Variants in STATH observed in about 807,000 individuals in gnomAD.
STATH encodes statherin.
A neutral mutation model predicts 13.3 loss-of-function variants in STATH; 11 were observed. That is an observed-to-expected ratio of 0.83 (90% CI 0.52 to 1.37). The LOEUF is 1.37. Among genes scored for constraint, STATH ranks in the 40% most tolerant of loss-of-function variants. The probability of loss-of-function intolerance (pLI) is 0.00; values close to 1 mark genes in which losing one functional copy is unlikely to be tolerated. For synonymous variants in STATH, 25 were observed against 23.6 expected (o/e 1.06, Z -0.17); for missense variants, 78 against 73.3 (o/e 1.06, Z -0.24).
intron 1 of STATH, among the ~76,000 whole-genome samples, chr4:69,998,062 A>G (rs1041785753): frequency 9.2e-5 from 14 of 152,170 alleles, no homozygotes; most frequent in African/African-American, 3.4e-4. Flanking sequence ...TGCACTTTCA[A>G]TATGGTATCC....
At chr4:70,000,413 A>G (rs1724625185) in intron 4 of STATH, 1 of 162,498 alleles carries the variant, frequency 6.2e-6, no homozygotes, top group Non-Finnish European at 1.4e-5. Context: ...ATTTGTGTTA[A>G]CAGAAGGAAG....
intron 1 of STATH, among the ~76,000 whole-genome samples, chr4:69,997,199 G>A (rs1299136529): frequency 6.6e-6 from 1 of 151,854 alleles, no homozygotes; most frequent in Non-Finnish European, 1.5e-5. Context: ...GCCCACCTTG[G>A]CCTTCCAAAG....
chr4:69,998,066 G>A (rs1386059795), intron 1 of STATH, among the ~76,000 whole-genome samples: 1 of 151,902 alleles, frequency 6.6e-6, no homozygotes, highest in African/African-American at 2.4e-5. Flanking sequence ...CTTTCAATAT[G>A]GTATCCTCCC....
At chr4:69,999,883 C>T in intron 4 of STATH, 74 bp downstream of exon 4, 1 of 1,533,394 alleles carries the variant, frequency 6.5e-7, no homozygotes, top group African/African-American at 1.4e-5. Flanking sequence ...CTAGAAGAAC[C>T]AATACTTATT....
chr4:70,001,248 A>C (rs1415019863), intron 5 of STATH, among the ~76,000 whole-genome samples: 4 of 151,682 alleles, frequency 2.6e-5, no homozygotes, highest in African/African-American at 9.7e-5. Context: ...ACTTTGAACT[A>C]CTCCTAATGC....
chr4:70,002,435 A>G lies in STATH; in HGVS notation c.*280A>G, dbSNP rs1316065493. On this transcript the variant is annotated 3_prime_UTR_variant, in exon 6 of 6. Coordinates refer to ENST00000246895, the MANE Select transcript of STATH (RefSeq NM_003154.3). The stretch of plus-strand genomic sequence containing the variant: ...AGAAATCACTTCTCTAAAAGCAATA[A>G]ATTTCAAGCACATTTTTACATGTAT... The G allele has an allele frequency of 6.6e-6, 1 of 151,726 alleles. No homozygotes were observed. Among genetic ancestry groups the G allele is most frequent in the Non-Finnish European group, 1.5e-5 (1 of 67,784 alleles). The allele number at this position is 151,726 out of a possible 1,614,324, so 9.4% of individuals were successfully genotyped here.
chr4:70,001,006 T>C (rs928098733), intron 5 of STATH, 24 bp downstream of exon 5: 2 of 1,519,318 alleles, frequency 1.3e-6, no homozygotes, highest in Non-Finnish European at 9.1e-7. Flanking sequence ...AGTGACATTT[T>C]TTTTACTTTC....
At chr4:69,996,662 AT>A (rs952790066) in intron 1 of STATH, among the ~76,000 whole-genome samples, 3 of 151,736 alleles carry the variant, frequency 2.0e-5, no homozygotes, top group African/African-American at 7.3e-5. Flanking sequence ...TTGGGGAAAT[AT>A]TTTTTTAAAA....
chr4:69,996,927 CTTTT>C (rs34282662), intron 1 of STATH, among the ~76,000 whole-genome samples: 3 of 107,580 alleles, frequency 2.8e-5, no homozygotes, highest in African/African-American at 7.3e-5. Context: ...CAGAAATTTC[CTTTT>C]TTTTTTTTTT....
rs1219035251 is a variant in STATH, at chr4:70,002,274, A to G, written c.*119A>G. 6.6e-6 allele frequency: 1 copy of G among 151,720 alleles called. No homozygotes were observed. Among genetic ancestry groups the G allele is most frequent in the Non-Finnish European group, 1.5e-5 (1 of 67,780 alleles). The allele number at this position is 151,720 out of a possible 1,614,324, so 9.4% of individuals were successfully genotyped here. A position where few individuals can be genotyped will look rare whatever the true frequency, so the allele number is the denominator to read the frequency against. ...ACTACCACTTTTTGAAGAATCATCA[A>G]AGAGCAATGCAAATGAAAAACACTA... is the stretch of plus-strand genomic sequence containing the variant. On this transcript the variant is annotated 3_prime_UTR_variant, in exon 6 of 6. Transcript: ENST00000246895.
intron 1 of STATH, among the ~76,000 whole-genome samples, chr4:69,997,909 A>G (rs1165310983): frequency 1.4e-4 from 22 of 152,068 alleles, no homozygotes; most frequent in Non-Finnish European, 3.1e-4. Context: ...ATCTCTTTAC[A>G]CTGTACCTTA....
chr4:69,999,455 T>C (rs892786032), intron 2 of STATH, among the ~76,000 whole-genome samples: 1 of 151,924 alleles, frequency 6.6e-6, no homozygotes, highest in Non-Finnish European at 1.5e-5. Flanking sequence ...TCCAAATAAA[T>C]TTATATTTGA....
At position 69,999,769 on chromosome 4, in the gene STATH, A is replaced by G; in HGVS notation, c.73-11A>G. The G allele has an allele frequency of 6.2e-7, 1 of 1,611,792 alleles. No individual in the cohort carries two copies. The highest frequency in any genetic ancestry group is 1.1e-5 in the South Asian group (1 of 90,998). On this transcript the variant is annotated splice_polypyrimidine_tract_variant and intron_variant, in intron 3 of 5. Coordinates refer to ENST00000246895, the MANE Select transcript of STATH (RefSeq NM_003154.3). Reference sequence around the variant, plus strand: ...GTATTGAATTATTAAACTTTTCTTCATTTTTCACAGAAATTTTTGCGTAGA... The same window carrying G: ...GTATTGAATTATTAAACTTTTCTTCGTTTTTCACAGAAATTTTTGCGTAGA...
At chr4:70,000,641 A>T (rs1277665093) in intron 4 of STATH, 1 of 465,046 alleles carries the variant, frequency 2.2e-6, no homozygotes, top group East Asian at 3.2e-5. Context: ...TAAAACCACA[A>T]AACTGTGAAC....
At chr4:69,997,286 A>G (rs1027770687) in intron 1 of STATH, among the ~76,000 whole-genome samples, 2 of 152,056 alleles carry the variant, frequency 1.3e-5, no homozygotes, top group Non-Finnish European at 2.9e-5. Context: ...TCAGTGAATA[A>G]GTAACAAAGC....
At chr4:69,999,451 T>C (rs1724590584) in intron 2 of STATH, among the ~76,000 whole-genome samples, 1 of 151,890 alleles carries the variant, frequency 6.6e-6, no homozygotes, top group Non-Finnish European at 1.5e-5. Context: ...TAAATCCAAA[T>C]AAATTTATAT....
chr4:69,998,304 T>C, intron 1 of STATH, 119 bp from the exon 2 acceptor site: 1 of 684,462 alleles, frequency 1.5e-6, no homozygotes. Context: ...CAATGGGTTT[T>C]AATTGTCTTT....
chr4:70,001,346 C>T (rs775006319), intron 5 of STATH, among the ~76,000 whole-genome samples: 3 of 151,816 alleles, frequency 2.0e-5, no homozygotes, highest in Non-Finnish European at 4.4e-5. Context: ...TTTTGAAAGA[C>T]ATATCACATA....
At chr4:69,999,080 T>G (rs1398007079) in intron 2 of STATH, 1 of 152,598 alleles carries the variant, frequency 6.6e-6, no homozygotes, top group Non-Finnish European at 1.5e-5. Flanking sequence ...CTCTTTCTTC[T>G]ACTCTACTTC....
Sources: gnomAD v4.1 joint callset for allele counts (sites outside exome capture counted in the v4.1 genomes callset) on GRCh38, gnomAD v4.1.1 for gene constraint, MANE v1.5 for transcripts, NCBI Gene and HGNC (gene_info 2026-07-23, HGNC 2026-07-21) for gene names.